The following RAP1GAP variants were observed in gnomAD, a reference collection of about 807,000 sequenced individuals.
RAP1GAP encodes RAP1 GTPase activating protein.
Under a neutral mutation model 87.2 loss-of-function variants are expected in RAP1GAP, and 35 were observed. The ratio of observed to expected loss-of-function variants is 0.40; its 90% confidence interval spans 0.31 to 0.53. The LOEUF is 0.53. RAP1GAP is among the 20% of genes least tolerant of loss of function. RAP1GAP has a pLI of 0.48. For missense variants in RAP1GAP, 734 were observed against 898.9 expected, an observed-to-expected ratio of 0.82 and a Z score of 2.35; for synonymous variants, 375 against 363.9, an observed-to-expected ratio of 1.03 and a Z score of -0.35.
chr1:21,638,379 C>T (rs1394934869), intron 2 of RAP1GAP, among the ~76,000 whole-genome samples: 4 of 151,556 alleles, frequency 2.6e-5, no homozygotes, highest in Non-Finnish European at 5.9e-5. Context: ...ATCGCTTGAA[C>T]CCAGGAGGCA....
At chr1:21,651,876 C>T in intron 1 of RAP1GAP, 1 of 1,041,894 alleles carries the variant, frequency 9.6e-7, no homozygotes, top group Non-Finnish European at 1.1e-6. Flanking sequence ...CGCCTTCCCG[C>T]GCCCGGGTCA....
chr1:21,654,472 A>G (rs1175944540), intron 1 of RAP1GAP, among the ~76,000 whole-genome samples: 1 of 152,256 alleles, frequency 6.6e-6, no homozygotes, highest in African/African-American at 2.4e-5. Flanking sequence ...CAAGGATTAC[A>G]TAAGTTACTA....
intron 4 of RAP1GAP, among the ~76,000 whole-genome samples, 161 bp downstream of exon 4, chr1:21,619,854 T>C (rs2085524588): frequency 6.6e-6 from 1 of 152,092 alleles, no homozygotes; most frequent in African/African-American, 2.4e-5. Context: ...TCCTCTACCC[T>C]GACCTCCAGA....
At chr1:21,627,711 A>C (rs914035016) in intron 2 of RAP1GAP, among the ~76,000 whole-genome samples, 3 of 151,954 alleles carry the variant, frequency 2.0e-5, no homozygotes, top group South Asian at 4.2e-4. Flanking sequence ...CACTGCGCCC[A>C]GTCTGAGCCT....
rs865894633 is a variant in RAP1GAP, at chr1:21,622,417, G to A, written c.-18-2367C>T. On this transcript the variant is annotated intron_variant, in intron 3 of 24. Transcript: ENST00000374765. The surrounding 1 kb of genome is among the most constrained non-coding windows in gnomAD (Gnocchi z 5.7). ...CCGCGGGCCGCAGCTGTGCCATCCTGAGCGCGGCCCGGCCCGGCCCCCGCC... is the reference window on the plus strand; with the variant it reads ...CCGCGGGCCGCAGCTGTGCCATCCTAAGCGCGGCCCGGCCCGGCCCCCGCC... The A allele has an allele frequency of 1.2e-5, 4 of 324,716 alleles. No individual in the cohort carries two copies. The East Asian group carries it at 1.9e-4, about 16-fold the overall frequency. The allele number at this position is 324,716 out of a possible 1,614,324, so 20.1% of individuals were successfully genotyped here.
chr1:21,663,500 A>G (rs1326983414), intron 1 of RAP1GAP, among the ~76,000 whole-genome samples: 1 of 152,196 alleles, frequency 6.6e-6, no homozygotes, highest in Non-Finnish European at 1.5e-5. Context: ...TTGAGCAAGA[A>G]GAATCAGGGC....
At position 21,620,744 on chromosome 1, in the gene RAP1GAP, C is replaced by T. The variant is rs551250556; in HGVS notation, c.-18-694G>A. 4.0e-3 allele frequency among the ~76,000 whole-genome samples: 605 copies of T among 152,182 alleles called. 6 individuals carry two copies. Among genetic ancestry groups the T allele is most frequent in the African/African-American group, 0.014 (578 of 41,508 alleles). ...CCGGCTCGGGGCTGGGCCTGGGAAGCCCCCAGAGCCTCCAGGATGGTGACC... is the reference window on the plus strand; with the variant it reads ...CCGGCTCGGGGCTGGGCCTGGGAAGTCCCCAGAGCCTCCAGGATGGTGACC... On this transcript the variant is annotated intron_variant, in intron 3 of 24. Coordinates refer to ENST00000374765, the MANE Select transcript of RAP1GAP (RefSeq NM_002885.4).
At chr1:21,645,503 A>C (rs2095960994) in intron 2 of RAP1GAP, among the ~76,000 whole-genome samples, 1 of 152,166 alleles carries the variant, frequency 6.6e-6, no homozygotes, top group Non-Finnish European at 1.5e-5. Context: ...AAAAATAAAA[A>C]TAAAATAAAA....
chr1:21,648,317 CCT>C (rs983916433), intron 2 of RAP1GAP, among the ~76,000 whole-genome samples: 5 of 152,168 alleles, frequency 3.3e-5, no homozygotes, highest in African/African-American at 1.2e-4. Flanking sequence ...CTGGGTGGCC[CCT>C]GTCTCTGAGT....
intron 3 of RAP1GAP, among the ~76,000 whole-genome samples, chr1:21,624,910 G>A (rs976494785): frequency 3.3e-5 from 5 of 152,160 alleles, no homozygotes; most frequent in African/African-American, 1.2e-4. Flanking sequence ...TGGTCCGAGG[G>A]CATACAGCCC....
chr1:21,648,934 C>T (rs747494313), intron 2 of RAP1GAP, among the ~76,000 whole-genome samples: 42 of 152,172 alleles, frequency 2.8e-4, no homozygotes, highest in Admixed American at 6.5e-4. Context: ...ATGGGAGTCG[C>T]CCAGCAGCTG....
At chr1:21,624,173 A>G (rs2150136952) in intron 3 of RAP1GAP, among the ~76,000 whole-genome samples, 1 of 152,246 alleles carries the variant, frequency 6.6e-6, no homozygotes, top group African/African-American at 2.4e-5. Flanking sequence ...CGAGTGGAGA[A>G]ACCCCTGTAG....
At chr1:21,627,014 C>T in intron 2 of RAP1GAP, 1 of 456,674 alleles carries the variant, frequency 2.2e-6, no homozygotes, top group Admixed American at 2.3e-5. Flanking sequence ...ATGAGACCTG[C>T]CTGAGTCTAA....
At chr1:21,644,018 A>G (rs1233305372) in intron 2 of RAP1GAP, among the ~76,000 whole-genome samples, 1 of 152,204 alleles carries the variant, frequency 6.6e-6, no homozygotes, top group Non-Finnish European at 1.5e-5. Flanking sequence ...TGCTGAGGAT[A>G]GACGTGGGAT....
chr1:21,611,703 C>T lies in RAP1GAP; in HGVS notation c.713+13G>A. 2 of 1,612,160 alleles carry T rather than the reference C, an allele frequency of 1.2e-6. No homozygotes were observed. Among genetic ancestry groups the T allele is most frequent in the Middle Eastern group, 1.7e-4 (1 of 6,056 alleles). ...GTCAGATTACACTCTGCTCAGCCCA[C>T]CCTAATACTCACCCCTTAAAGTCCT... On this transcript the variant is annotated intron_variant, in intron 12 of 24. Coordinates refer to ENST00000374765, the MANE Select transcript of RAP1GAP (RefSeq NM_002885.4).
At chr1:21,635,152 G>A (rs1373403557) in intron 2 of RAP1GAP, among the ~76,000 whole-genome samples, 1 of 152,072 alleles carries the variant, frequency 6.6e-6, no homozygotes, top group Non-Finnish European at 1.5e-5. Flanking sequence ...CCACGTCCAC[G>A]CAGGACACAG....
chr1:21,652,514 C>G (rs181356665), intron 1 of RAP1GAP, among the ~76,000 whole-genome samples: 38 of 152,212 alleles, frequency 2.5e-4, no homozygotes, highest in Non-Finnish European at 4.6e-4. Context: ...CCACCTGTCT[C>G]CCCTTCTCCC....
intron 3 of RAP1GAP, among the ~76,000 whole-genome samples, chr1:21,624,890 G>A (rs1307207266): frequency 6.6e-6 from 1 of 151,728 alleles, no homozygotes; most frequent in Non-Finnish European, 1.5e-5. Context: ...GGCCCAGGGA[G>A]GGGAAGCTGT....
chr1:21,662,553 G>T (rs1312486141), intron 1 of RAP1GAP, among the ~76,000 whole-genome samples: 3 of 152,112 alleles, frequency 2.0e-5, no homozygotes, highest in Non-Finnish European at 4.4e-5. Context: ...CTGGGCCCCA[G>T]GGATAGGCCA....
Sources: gnomAD v4.1 joint callset for allele counts (sites outside exome capture counted in the v4.1 genomes callset) on GRCh38, gnomAD v4.1.1 for gene constraint, Gnocchi (gnomAD v3.1) non-coding constraint, MANE v1.5 for transcripts, NCBI Gene and HGNC (gene_info 2026-07-23, HGNC 2026-07-21) for gene names.